Variants in ZNF440 observed in about 807,000 individuals in gnomAD.
The protein encoded by ZNF440 is zinc finger protein 440.
ZNF440 carries 47 observed loss-of-function variants against 49.7 expected under a neutral mutation model. The observed-to-expected ratio is 0.95, with a 90% confidence interval of 0.75 to 1.21. The LOEUF is 1.21. ZNF440 is among the 50% of genes most tolerant of loss of function. ZNF440 has a pLI of 0.00. For missense variants in ZNF440, 703 were observed against 715.0 expected (o/e 0.98, Z 0.19); for synonymous variants, 255 against 237.7 (o/e 1.07, Z -0.67).
At chr19:11,825,386 A>G (rs1002197218) in intron 1 of ZNF440, among the ~76,000 whole-genome samples, 9 of 152,180 alleles carry the variant, frequency 5.9e-5, no homozygotes, top group African/African-American at 1.9e-4. Context: ...TGTATCCACC[A>G]TCACAGTCTT....
intron 1 of ZNF440, among the ~76,000 whole-genome samples, chr19:11,815,284 T>TCACACA (rs3223082): frequency 0.069 from 8,297 of 120,996 alleles, 335 homozygotes; most frequent in Admixed American, 0.11. Context: ...GGCAACTCCG[T>TCACACA]CACACACACA....
chr19:11,823,122 A>G (rs762883458), intron 1 of ZNF440, among the ~76,000 whole-genome samples: 23 of 152,204 alleles, frequency 1.5e-4, no homozygotes, highest in African/African-American at 3.4e-4. Context: ...GTAAGGGCCC[A>G]CTTCCTGGTT....
In ZNF440 at chr19:11,822,432, A is replaced by G. The variant is rs141817062; in HGVS notation, c.4-7851A>G. Among the ~76,000 whole-genome samples the G allele has an allele frequency of 3.8e-3, 572 of 152,336 alleles. 1 individual carries two copies. The highest frequency in any genetic ancestry group is 0.013 in the African/African-American group (545 of 41,576). The stretch of plus-strand genomic sequence containing the variant: ...AATTAAATTATTGTATATGGAGATG[A>G]CAGGTAGTGGATTGATTATTCTCCT... On this transcript the variant is annotated intron_variant, in intron 1 of 3. Coordinates refer to ENST00000304060, the MANE Select transcript of ZNF440 (RefSeq NM_152357.3).
At chr19:11,820,488 G>A (rs984892744) in intron 1 of ZNF440, among the ~76,000 whole-genome samples, 3 of 152,118 alleles carry the variant, frequency 2.0e-5, no homozygotes, top group African/African-American at 7.2e-5. Context: ...AAAGTGCTGG[G>A]ATTACAGGCG....
intron 1 of ZNF440, among the ~76,000 whole-genome samples, chr19:11,815,564 G>C (rs1335757941): frequency 6.6e-6 from 1 of 152,034 alleles, no homozygotes; most frequent in Non-Finnish European, 1.5e-5. Context: ...GGGGTCCCCA[G>C]TGCCCACTTT....
intron 1 of ZNF440, chr19:11,829,938 C>T (rs932485313): frequency 3.2e-5 from 7 of 218,708 alleles, no homozygotes; most frequent in African/African-American, 1.2e-4. Context: ...GCCTGACCAA[C>T]GTGGAGAGAC....
intron 1 of ZNF440, among the ~76,000 whole-genome samples, chr19:11,829,832 TA>T (rs35638937): frequency 2.7e-4 from 40 of 148,140 alleles, no homozygotes; most frequent in African/African-American, 7.4e-4. Flanking sequence ...GACGCTGTCT[TA>T]AAAAAAAAAA....
chr19:11,824,174 C>A (rs1263751223), intron 1 of ZNF440, among the ~76,000 whole-genome samples: 23 of 141,680 alleles, frequency 1.6e-4, no homozygotes, highest in African/African-American at 5.8e-4. Context: ...CAGAATGATA[C>A]CCTGTTTCAA....
chr19:11,828,556 T>A (rs1459067404), intron 1 of ZNF440, among the ~76,000 whole-genome samples: 1 of 152,180 alleles, frequency 6.6e-6, no homozygotes, highest in Non-Finnish European at 1.5e-5. Context: ...AAATTTTACA[T>A]GTACAGTTGA....
In ZNF440 at chr19:11,832,638, T is replaced by A; in HGVS notation, c.1462T>A (p.Cys488Ser). The A allele has an allele frequency of 6.2e-7, 1 of 1,613,670 alleles. No homozygotes were observed. Among genetic ancestry groups the A allele is most frequent in the South Asian group, 1.1e-5 (1 of 91,052 alleles). ...TCACACTGGAGAGAAACTCTATGAA[T>A]GCAAGCAACGTTCAGTAGTTCCTTC... ...KTHTGEKLYE[C>S]KQRSVVPSVV... Residue 488 changes from cysteine to serine, a missense_variant, in exon 4 of 4, where the codon TGC becomes AGC. Physicochemically the swap from Cys to Ser is moderately radical, Grantham distance 112. Coordinates refer to ENST00000304060, the MANE Select transcript of ZNF440 (RefSeq NM_152357.3).
intron 1 of ZNF440, among the ~76,000 whole-genome samples, chr19:11,819,554 A>G (rs1243688738): frequency 6.6e-6 from 1 of 152,078 alleles, no homozygotes; most frequent in Admixed American, 6.6e-5. Flanking sequence ...GCGTACCACC[A>G]CACTTGGCTA....
In ZNF440 at chr19:11,831,735, G is replaced by A. The variant is rs563420656; in HGVS notation, c.559G>A (p.Val187Ile). Residue 187 changes from valine (V) to isoleucine (I), a missense_variant, in exon 4 of 4, where the codon GTT (valine) becomes ATT (isoleucine). By Grantham distance (29) the Val-to-Ile change is conservative (BLOSUM62 3). Transcript: ENST00000304060. ...AAAAACCTTTATTTCCCATTCAAGT[G>A]TTCGAAGACACATGGTAATGCACAG... Reference protein sequence around the residue: ...CGKTFISHSSVRRHMVMHSGD... With the variant: ...CGKTFISHSSIRRHMVMHSGD... 5 of 1,614,026 alleles carry A rather than the reference G, an allele frequency of 3.1e-6. No homozygotes were observed. Among genetic ancestry groups the A allele is most frequent in the East Asian group, 4.5e-5 (2 of 44,862 alleles).
At chr19:11,820,884 G>T (rs544361172) in intron 1 of ZNF440, among the ~76,000 whole-genome samples, 1 of 152,252 alleles carries the variant, frequency 6.6e-6, no homozygotes, top group South Asian at 2.1e-4. Flanking sequence ...GACAAGGAAA[G>T]GCCACTTCAA....
At chr19:11,827,536 A>T (rs183572569) in intron 1 of ZNF440, 1 of 152,282 alleles carries the variant, frequency 6.6e-6, no homozygotes, top group East Asian at 1.9e-4. Flanking sequence ...GTTTTGAATG[A>T]AGTCCAATTT....
intron 1 of ZNF440, among the ~76,000 whole-genome samples, chr19:11,821,529 A>C (rs903893806): frequency 6.6e-6 from 1 of 151,860 alleles, no homozygotes; most frequent in African/African-American, 2.4e-5. Flanking sequence ...AAAAACAAAG[A>C]CCACCCCAGC....
rs781535111 is a variant in ZNF440, at chr19:11,831,661, A to T, written c.485A>T (p.Gln162Leu). The T allele has an allele frequency of 6.2e-7, 1 of 1,614,186 alleles. No homozygotes were observed. The highest frequency in any genetic ancestry group is 8.5e-7 in the Non-Finnish European group (1 of 1,180,024). ...AFRYRPSFRTQERDHTGEKPN... is the reference protein window; with the variant it reads ...AFRYRPSFRTLERDHTGEKPN... ...AGATACCGCCCCTCCTTTAGAACAC[A>T]AGAAAGGGATCACACTGGAGAGAAA... The change falls in exon 4 of 4, where the codon CAA (glutamine) becomes CTA (leucine). Residue 162 changes from glutamine (Q) to leucine (L), a missense_variant. Gln to Leu is a moderately radical substitution (Grantham distance 113). Transcript: ENST00000304060.
At chr19:11,822,943 G>C (rs1975817354) in intron 1 of ZNF440, among the ~76,000 whole-genome samples, 1 of 151,520 alleles carries the variant, frequency 6.6e-6, no homozygotes, top group Non-Finnish European at 1.5e-5. Context: ...AATTAGTATA[G>C]CATTCAAAGC....
At position 11,831,461 on chromosome 19, in the gene ZNF440, G is replaced by GTT. The variant is rs1386254998; in HGVS notation, c.285_286insTT (p.Glu96LeufsTer9). The GTT allele has an allele frequency of 6.2e-7, 1 of 1,613,876 alleles. No individual in the cohort carries two copies. Among genetic ancestry groups the GTT allele is most frequent in the Admixed American group, 1.7e-5 (1 of 60,010 alleles). On this transcript the variant is annotated frameshift_variant, in exon 4 of 4. Transcript: ENST00000304060. LOFTEE classifies it high-confidence loss of function. ...TTCCAGATGACAGACTGAACTTCCAGGAGAAGAAAGCTTCTCCTGAAGTAA... is the reference window on the plus strand; with the variant it reads ...TTCCAGATGACAGACTGAACTTCCAGTTGAGAAGAAAGCTTCTCCTGAAGTAA...
At chr19:11,815,898 AAAC>A (rs1975727624) in intron 1 of ZNF440, 3 of 152,402 alleles carry the variant, frequency 2.0e-5, no homozygotes, top group African/African-American at 2.4e-5. Context: ...CTCCATCTCA[AAAC>A]AACAACAACG....
Sources: allele counts gnomAD v4.1 joint callset (sites outside exome capture counted in the v4.1 genomes callset), GRCh38; gene constraint gnomAD v4.1.1; transcripts MANE v1.5; gene names NCBI Gene and HGNC (gene_info 2026-07-23, HGNC 2026-07-21).